Variants in PTPRN2 observed in about 807,000 individuals in gnomAD.
PTPRN2 encodes the protein receptor-type tyrosine-protein phosphatase N2.
A neutral mutation model predicts 118.8 loss-of-function variants in PTPRN2; 74 were observed. The observed-to-expected ratio is 0.62, with a 90% confidence interval of 0.52 to 0.76. The LOEUF (loss-of-function observed/expected upper bound fraction) is 0.76. Ranked by LOEUF, PTPRN2 falls within the 30% of genes least tolerant of loss-of-function variation. The probability of loss-of-function intolerance (pLI) is 0.00; values close to 1 mark genes in which losing one functional copy is unlikely to be tolerated. For missense variants in PTPRN2, 1,481 were observed against 1,394.4 expected (o/e 1.06, Z -0.99); for synonymous variants, 641 against 608.0 (o/e 1.05, Z -0.80).
At chr7:157,751,349 C>T (rs977578746) in intron 12 of PTPRN2, among the ~76,000 whole-genome samples, 5 of 152,110 alleles carry the variant, frequency 3.3e-5, no homozygotes, top group African/African-American at 9.7e-5. Flanking sequence ...ATCCATGCGG[C>T]GAACGCCCTG....
At chr7:158,155,628 CCAT>C (rs1243955161) in intron 6 of PTPRN2, among the ~76,000 whole-genome samples, 345 of 34,700 alleles carry the variant, frequency 9.9e-3, no homozygotes, top group Non-Finnish European at 0.014. Context: ...ACTATCATCA[CCAT>C]CATCACCACC....
intron 10 of PTPRN2, among the ~76,000 whole-genome samples, chr7:158,103,689 T>G (rs187688312): frequency 1.4e-3 from 217 of 152,262 alleles, no homozygotes; most frequent in African/African-American, 5.0e-3. Context: ...CCTTCTTACA[T>G]GTCCTGCTCT....
chr7:158,159,364 G>T (rs1168484814), intron 6 of PTPRN2, among the ~76,000 whole-genome samples: 2 of 152,244 alleles, frequency 1.3e-5, no homozygotes, highest in Admixed American at 1.3e-4. Flanking sequence ...GACAGAGGCT[G>T]GCTGGGTGGA....
chr7:158,249,398 C>A (rs1308757003), intron 3 of PTPRN2, among the ~76,000 whole-genome samples: 2 of 128,622 alleles, frequency 1.6e-5, no homozygotes, highest in African/African-American at 3.1e-5. Flanking sequence ...TCTACCACAC[C>A]TGCACGCACA....
At chr7:158,116,641 G>A (rs1038035721) in intron 9 of PTPRN2, among the ~76,000 whole-genome samples, 1 of 152,200 alleles carries the variant, frequency 6.6e-6, no homozygotes, top group South Asian at 2.1e-4. Flanking sequence ...GAAAGGAGGA[G>A]GGCACCATTG....
intron 3 of PTPRN2, among the ~76,000 whole-genome samples, chr7:158,231,811 CAAG>C (rs1829179840): frequency 6.6e-6 from 1 of 152,124 alleles, no homozygotes; most frequent in Non-Finnish European, 1.5e-5. Flanking sequence ...AAATCAATAA[CAAG>C]AAGAACCCCA....
At chr7:158,148,795 G>A (rs1478789536) in intron 6 of PTPRN2, among the ~76,000 whole-genome samples, 2 of 46,802 alleles carry the variant, frequency 4.3e-5, no homozygotes, top group South Asian at 1.2e-3. Flanking sequence ...CCCATCTCAC[G>A]CCACGTGTCT....
intron 1 of PTPRN2, among the ~76,000 whole-genome samples, chr7:158,548,016 C>T (rs894354308): frequency 3.3e-5 from 5 of 152,216 alleles, no homozygotes; most frequent in African/African-American, 1.2e-4. Flanking sequence ...GGGGCTGTGC[C>T]ATCCCTGCCT....
chr7:158,055,768 G>T (rs1809735740), intron 11 of PTPRN2, among the ~76,000 whole-genome samples: 1 of 152,184 alleles, frequency 6.6e-6, no homozygotes, highest in Non-Finnish European at 1.5e-5. Flanking sequence ...TCCTTACCCT[G>T]CCCCTTTGTT....
intron 12 of PTPRN2, among the ~76,000 whole-genome samples, chr7:157,744,008 G>A (rs1800781876): frequency 6.6e-6 from 1 of 152,262 alleles, no homozygotes; most frequent in Non-Finnish European, 1.5e-5. Context: ...GCTGCTGCAG[G>A]AGACGTGCTC....
intron 2 of PTPRN2, among the ~76,000 whole-genome samples, chr7:158,484,091 C>T (rs975282961): frequency 6.6e-6 from 1 of 152,182 alleles, no homozygotes; most frequent in Non-Finnish European, 1.5e-5. Flanking sequence ...CTGCGTTAGG[C>T]TAGGATTGCA....
intron 12 of PTPRN2, among the ~76,000 whole-genome samples, chr7:157,713,937 G>A (rs1798778226): frequency 6.6e-6 from 1 of 152,188 alleles, no homozygotes; most frequent in Non-Finnish European, 1.5e-5. Context: ...GAAATACAAT[G>A]GCAGCCGCGA....
intron 12 of PTPRN2, among the ~76,000 whole-genome samples, chr7:157,768,166 C>T (rs1280211911): frequency 6.6e-6 from 1 of 152,238 alleles, no homozygotes; most frequent in Non-Finnish European, 1.5e-5. Flanking sequence ...AAAGATTTCA[C>T]TAACAAGACT....
At chr7:157,756,682 A>G (rs1400520634) in intron 12 of PTPRN2, among the ~76,000 whole-genome samples, 1 of 152,158 alleles carries the variant, frequency 6.6e-6, no homozygotes, top group Non-Finnish European at 1.5e-5. Flanking sequence ...TTAGCAGGGA[A>G]AGGCATGAGA....
chr7:158,397,721 C>G (rs1812630895), intron 2 of PTPRN2, among the ~76,000 whole-genome samples: 1 of 152,188 alleles, frequency 6.6e-6, no homozygotes, highest in Non-Finnish European at 1.5e-5. Flanking sequence ...AGTCTCCTCC[C>G]CTGCAGAGAA....
intron 15 of PTPRN2, among the ~76,000 whole-genome samples, chr7:157,606,441 G>C (rs1030617137): frequency 2.0e-5 from 3 of 152,244 alleles, no homozygotes; most frequent in Non-Finnish European, 4.4e-5. Flanking sequence ...GGCCACTCCA[G>C]AGGGCCTGTC....
At chr7:158,504,798 T>C (rs1374458674) in intron 1 of PTPRN2, among the ~76,000 whole-genome samples, 5 of 152,266 alleles carry the variant, frequency 3.3e-5, no homozygotes, top group African/African-American at 1.2e-4. Context: ...GAAGAAACTT[T>C]ACATTGTTTC....
intron 15 of PTPRN2, among the ~76,000 whole-genome samples, chr7:157,608,986 C>G (rs1289676135): frequency 6.6e-6 from 1 of 152,234 alleles, no homozygotes; most frequent in African/African-American, 2.4e-5. Context: ...TCTTCCTTCA[C>G]CTGGCCCTAT....
intron 11 of PTPRN2, among the ~76,000 whole-genome samples, chr7:158,071,733 G>GTGGTGGAGGTGCTCA (rs1187840611): frequency 8.0e-6 from 1 of 124,544 alleles, no homozygotes; most frequent in African/African-American, 4.0e-5. Context: ...GGTGCTCGTG[G>GTGGTGGAGGTGCTCA]TGGTGGAGGT....
Sources: allele counts gnomAD v4.1 joint callset (sites outside exome capture counted in the v4.1 genomes callset), GRCh38; gene constraint gnomAD v4.1.1; transcripts MANE v1.5; gene names NCBI Gene and HGNC (gene_info 2026-07-23, HGNC 2026-07-21).